Variants in KSR2 observed in about 807,000 individuals in gnomAD.
The protein encoded by KSR2 is kinase suppressor of ras 2.
Under a neutral mutation model 107.8 loss-of-function variants are expected in KSR2, and 25 were observed. The observed-to-expected ratio is 0.23, with a 90% CI of 0.17 to 0.32. The LOEUF (loss-of-function observed/expected upper bound fraction) is 0.32. KSR2 is among the 10% of genes least tolerant of loss of function. KSR2 has a pLI of 1.00. For synonymous variants in KSR2, 480 were observed against 507.0 expected, an observed-to-expected ratio of 0.95 and a Z score of 0.71; for missense variants, 887 against 1,268.9, an observed-to-expected ratio of 0.70 and a Z score of 4.57.
rs187772987 is a variant in KSR2, at chr12:117,886,279, A to G, written c.181-25848T>C. 2.6e-5 allele frequency among the ~76,000 whole-genome samples: 4 copies of G among 151,152 alleles called. No homozygotes were observed. The East Asian group carries it at 7.8e-4, about 29-fold the overall frequency. ...TGTTTATATAGCTATAAATATATGT[A>G]ATTATACAGGTATATACCTATAAAT... On this transcript the variant is annotated intron_variant, in intron 1 of 19. Transcript: ENST00000339824.
intron 7 of KSR2, among the ~76,000 whole-genome samples, chr12:117,575,123 C>T (rs1316816832): frequency 1.3e-5 from 2 of 152,122 alleles, no homozygotes; most frequent in Non-Finnish European, 2.9e-5. Flanking sequence ...TATCATATGA[C>T]CTAATTTACT....
intron 1 of KSR2, among the ~76,000 whole-genome samples, chr12:117,901,035 A>C (rs1364708145): frequency 6.6e-6 from 1 of 152,192 alleles, no homozygotes; most frequent in Non-Finnish European, 1.5e-5. Flanking sequence ...ACTCTTCCAA[A>C]AAAAGTCAGC....
At chr12:117,654,083 T>C (rs1052893472) in intron 5 of KSR2, among the ~76,000 whole-genome samples, 2 of 152,212 alleles carry the variant, frequency 1.3e-5, no homozygotes, top group Non-Finnish European at 2.9e-5. Flanking sequence ...AGACAGCTCT[T>C]GGCCTGTTAC....
intron 14 of KSR2, among the ~76,000 whole-genome samples, chr12:117,487,736 G>A (rs1872541879): frequency 6.6e-6 from 1 of 152,128 alleles, no homozygotes; most frequent in African/African-American, 2.4e-5. Context: ...CAGGGTAACT[G>A]CAGGAAAGTC....
At chr12:117,604,544 C>T (rs1881125161) in intron 5 of KSR2, among the ~76,000 whole-genome samples, 2 of 151,944 alleles carry the variant, frequency 1.3e-5, no homozygotes, top group African/African-American at 4.8e-5. Flanking sequence ...AATCTCAATG[C>T]CTAAGAGTTA....
At chr12:117,712,452 G>A (rs561898517) in intron 4 of KSR2, among the ~76,000 whole-genome samples, 8 of 152,130 alleles carry the variant, frequency 5.3e-5, no homozygotes, top group Non-Finnish European at 1.2e-4. Flanking sequence ...ACCACTAGCC[G>A]GAGTCAGAAG....
intron 5 of KSR2, among the ~76,000 whole-genome samples, chr12:117,603,365 C>T (rs1263036528): frequency 1.3e-5 from 2 of 152,210 alleles, no homozygotes; most frequent in African/African-American, 4.8e-5. Flanking sequence ...ACCAAGATTA[C>T]AGTAGCCCTA....
intron 1 of KSR2, among the ~76,000 whole-genome samples, chr12:117,943,329 A>G (rs1306067946): frequency 2.0e-5 from 3 of 152,078 alleles, no homozygotes; most frequent in African/African-American, 7.2e-5. Flanking sequence ...AGCCCCACTC[A>G]AATACGTTTA....
intron 1 of KSR2, among the ~76,000 whole-genome samples, chr12:117,929,798 C>T (rs1415054236): frequency 1.3e-5 from 2 of 152,192 alleles, no homozygotes; most frequent in East Asian, 1.9e-4. Context: ...CAAGAGGTAC[C>T]TACAACAGGC....
chr12:117,618,574 A>G (rs957506483), intron 5 of KSR2, among the ~76,000 whole-genome samples: 1 of 151,836 alleles, frequency 6.6e-6, no homozygotes, highest in African/African-American at 2.4e-5. Flanking sequence ...TAATTCCCTC[A>G]TGTTGTGGGA....
chr12:117,539,185 C>T (rs1291015251), intron 10 of KSR2, among the ~76,000 whole-genome samples: 2 of 152,194 alleles, frequency 1.3e-5, no homozygotes, highest in Non-Finnish European at 2.9e-5. Context: ...AGCAAGAATG[C>T]AATAGACCTG....
intron 1 of KSR2, among the ~76,000 whole-genome samples, chr12:117,866,034 C>CTT (rs1260926834): frequency 4.5e-5 from 5 of 111,204 alleles, no homozygotes; most frequent in Admixed American, 1.9e-4. Context: ...TTGCTAATCT[C>CTT]TCTCTTTTTT....
chr12:117,930,240 C>T (rs1183066390), intron 1 of KSR2, among the ~76,000 whole-genome samples: 1 of 151,960 alleles, frequency 6.6e-6, no homozygotes, highest in Admixed American at 6.6e-5. Context: ...AGCCATGTTG[C>T]CCAGGCGGGT....
At chr12:117,881,598 ATTC>A (rs1894029437) in intron 1 of KSR2, among the ~76,000 whole-genome samples, 1 of 152,252 alleles carries the variant, frequency 6.6e-6, no homozygotes, top group Admixed American at 6.5e-5. Flanking sequence ...AATATCTTGA[ATTC>A]TTCTTATGAA....
chr12:117,804,339 G>A (rs909563291), intron 3 of KSR2, among the ~76,000 whole-genome samples: 5 of 152,148 alleles, frequency 3.3e-5, no homozygotes, highest in South Asian at 2.1e-4. Context: ...CACCGCACCC[G>A]GCCATTTATT....
intron 5 of KSR2, among the ~76,000 whole-genome samples, chr12:117,598,667 G>C (rs1017827254): frequency 5.9e-5 from 9 of 152,122 alleles, no homozygotes; most frequent in African/African-American, 1.9e-4. Flanking sequence ...TCTTGCAGGA[G>C]TAAGGTGGTA....
intron 1 of KSR2, among the ~76,000 whole-genome samples, chr12:117,931,425 C>T (rs540532655): frequency 6.6e-6 from 1 of 152,312 alleles, no homozygotes; most frequent in African/African-American, 2.4e-5. Context: ...GGCTCGGATT[C>T]AGGTCACACT....
At chr12:117,573,447 AC>A (rs1879035054) in intron 7 of KSR2, among the ~76,000 whole-genome samples, 1 of 151,844 alleles carries the variant, frequency 6.6e-6, no homozygotes. Flanking sequence ...AGGGAGCCAC[AC>A]AACCAGTTGG....
chr12:117,664,692 T>C (rs546886791), intron 5 of KSR2, among the ~76,000 whole-genome samples: 2 of 152,200 alleles, frequency 1.3e-5, no homozygotes, highest in Non-Finnish European at 2.9e-5. Flanking sequence ...CTGGGGAAAC[T>C]GAGACCCAGA....
Sources: allele counts gnomAD v4.1 joint callset (sites outside exome capture counted in the v4.1 genomes callset), GRCh38; gene constraint gnomAD v4.1.1; transcripts MANE v1.5; gene names NCBI Gene and HGNC (gene_info 2026-07-23, HGNC 2026-07-21).